Variants in EYA2 observed in about 807,000 individuals in gnomAD.
EYA2 encodes protein phosphatase EYA2.
In EYA2, 31 loss-of-function variants were observed where a neutral mutation model predicts 69.2. That is an observed-to-expected ratio of 0.45 (90% CI 0.34 to 0.60). The LOEUF is 0.60. Ranked by LOEUF, EYA2 falls within the 20% of genes least tolerant of loss-of-function variation. The pLI, the probability that EYA2 is intolerant of heterozygous loss-of-function variation, is 0.02. For missense variants in EYA2, 622 were observed against 701.2 expected (o/e 0.89, Z 1.28); for synonymous variants, 257 against 279.4 (o/e 0.92, Z 0.80).
intron 1 of EYA2, among the ~76,000 whole-genome samples, chr20:46,916,026 T>G (rs6018166): frequency 0.87 from 132,225 of 152,214 alleles, 58,172 homozygotes; most frequent in East Asian, 0.97. Flanking sequence ...TAATAGTACA[T>G]AGCATGATTG....
chr20:46,902,551 AG>A (rs1317298226), intron 1 of EYA2, among the ~76,000 whole-genome samples: 2 of 152,252 alleles, frequency 1.3e-5, no homozygotes, highest in Non-Finnish European at 2.9e-5. Flanking sequence ...TAGGATGTCC[AG>A]CCTGCTCCCG....
intron 12 of EYA2, 87 bp from the exon 13 acceptor site, chr20:47,179,711 G>A: frequency 2.2e-6 from 2 of 893,966 alleles, no homozygotes; most frequent in South Asian, 1.5e-5. Flanking sequence ...TAACCCTCAG[G>A]GTACAGTAGC....
intron 5 of EYA2, among the ~76,000 whole-genome samples, chr20:47,054,738 A>C (rs1225030516): frequency 6.6e-6 from 1 of 151,968 alleles, no homozygotes; most frequent in Non-Finnish European, 1.5e-5. Context: ...CACTTGGGGG[A>C]CATGCAGCCA....
At chr20:47,068,977 C>A (rs747799244) in intron 5 of EYA2, among the ~76,000 whole-genome samples, 1 of 152,150 alleles carries the variant, frequency 6.6e-6, no homozygotes, top group Non-Finnish European at 1.5e-5. Context: ...GCAGTCCATG[C>A]CCCTTCAGCA....
intron 5 of EYA2, among the ~76,000 whole-genome samples, chr20:47,026,462 G>T (rs1984090254): frequency 6.7e-6 from 1 of 149,650 alleles, no homozygotes; most frequent in South Asian, 2.1e-4. Context: ...GCACGGCAAA[G>T]AACACCAGAA....
chr20:46,945,143 A>G (rs970282797), intron 1 of EYA2, among the ~76,000 whole-genome samples: 8 of 152,140 alleles, frequency 5.3e-5, no homozygotes, highest in African/African-American at 1.7e-4. Flanking sequence ...GCAGTTCGCA[A>G]TAGGAAGGTC....
intron 9 of EYA2, among the ~76,000 whole-genome samples, chr20:47,107,538 A>AAAAAG (rs2032620898): frequency 6.7e-6 from 1 of 148,890 alleles, no homozygotes; most frequent in African/African-American, 2.5e-5. Flanking sequence ...AAAAAAAAAA[A>AAAAAG]AAAGAAAGAA....
At chr20:46,920,174 C>T (rs1985116720) in intron 1 of EYA2, among the ~76,000 whole-genome samples, 1 of 151,386 alleles carries the variant, frequency 6.6e-6, no homozygotes, top group South Asian at 2.1e-4. Flanking sequence ...GACACAGAGA[C>T]ATGAAAATGA....
chr20:47,137,811 A>G (rs996973908), intron 9 of EYA2, among the ~76,000 whole-genome samples: 8 of 152,222 alleles, frequency 5.3e-5, no homozygotes, highest in African/African-American at 1.2e-4. Context: ...ATGCAGCCAT[A>G]AAAAATGATG....
intron 5 of EYA2, among the ~76,000 whole-genome samples, chr20:47,028,408 T>C (rs1984216493): frequency 6.6e-6 from 1 of 152,242 alleles, no homozygotes. Flanking sequence ...CTTTTGAAGA[T>C]GCTTCACCTT....
chr20:47,131,603 G>A (rs780282460), intron 9 of EYA2, among the ~76,000 whole-genome samples: 6 of 152,118 alleles, frequency 3.9e-5, no homozygotes, highest in Non-Finnish European at 7.4e-5. Flanking sequence ...TAAAAGGGAG[G>A]GTGGTCAAAG....
intron 1 of EYA2, among the ~76,000 whole-genome samples, chr20:46,940,780 T>C (rs1467310231): frequency 6.6e-6 from 1 of 152,166 alleles, no homozygotes; most frequent in African/African-American, 2.4e-5. Context: ...TGGCCAGCTG[T>C]CTCCTGCTGA....
chr20:47,065,452 C>T (rs2031073785), intron 5 of EYA2, among the ~76,000 whole-genome samples: 1 of 151,884 alleles, frequency 6.6e-6, no homozygotes, highest in Admixed American at 6.6e-5. Context: ...AACAGATATA[C>T]AGTCTAACTA....
At chr20:47,160,232 G>A (rs570940341) in intron 10 of EYA2, among the ~76,000 whole-genome samples, 39 of 152,232 alleles carry the variant, frequency 2.6e-4, no homozygotes, top group African/African-American at 9.1e-4. Context: ...GCCTACACCA[G>A]GGGTCAACAA....
Position 46,999,441 on chromosome 20 carries a change from G to A in EYA2, c.110-1987G>A, listed in dbSNP as rs529468573. ...GGGCTTTCCTTGACATTCGGCTACT[G>A]TTGTTCCATCCTTTTCTTTGAATGT... On this transcript the variant is annotated intron_variant, in intron 2 of 15. Transcript: ENST00000327619. Among the ~76,000 whole-genome samples, 11 of 152,238 alleles carry A rather than the reference G, an allele frequency of 7.2e-5. No individual in the cohort carries two copies. The South Asian group carries it at 2.3e-3, about 32-fold the overall frequency.
intron 5 of EYA2, among the ~76,000 whole-genome samples, chr20:47,066,173 C>T (rs1372106682): frequency 6.6e-6 from 1 of 152,034 alleles, no homozygotes; most frequent in Non-Finnish European, 1.5e-5. Context: ...AACTCCATCT[C>T]TACAAAAAAT....
rs536571709 is a variant in EYA2 at position 46,964,697 on chromosome 20, G to A, written c.-10-25304G>A. 2.6e-5 allele frequency among the ~76,000 whole-genome samples: 4 copies of A among 152,328 alleles called. No individual in the cohort carries two copies. In the East Asian group the frequency reaches 7.7e-4, roughly 29 times the overall value. On this transcript the variant is annotated intron_variant, in intron 1 of 15. Transcript: ENST00000327619. ...CAGAACAACCCCATTGGTAAGTACT[G>A]TTAGGATTCCCGTTTCACAGATGAG...
At chr20:47,186,856 G>A (rs73313785) in intron 15 of EYA2, among the ~76,000 whole-genome samples, 3,544 of 152,122 alleles carry the variant, frequency 0.023, 128 homozygotes, top group African/African-American at 0.077. Context: ...ACTGAGAAAC[G>A]CCAGCATTCT....
intron 8 of EYA2, among the ~76,000 whole-genome samples, chr20:47,091,492 A>G (rs1362638079): frequency 6.7e-6 from 1 of 149,234 alleles, no homozygotes. Context: ...TAACCTTACC[A>G]CTTTCAGAGG....
Sources: allele counts gnomAD v4.1 joint callset (sites outside exome capture counted in the v4.1 genomes callset), GRCh38; gene constraint gnomAD v4.1.1; transcripts MANE v1.5; gene names NCBI Gene and HGNC (gene_info 2026-07-23, HGNC 2026-07-21).